The following SKAP1 variants were observed in gnomAD, a reference collection of about 807,000 sequenced individuals.
SKAP1 encodes src kinase associated phosphoprotein 1, also known as src kinase-associated phosphoprotein 1.
SKAP1 carries 44 observed loss-of-function variants against 58.5 expected under a neutral mutation model. That is an observed-to-expected ratio of 0.75 (90% CI 0.59 to 0.97). The LOEUF is 0.97. Among genes scored for constraint, SKAP1 ranks in the 50% least tolerant of loss-of-function variants. SKAP1 has a pLI of 0.00. For synonymous variants in SKAP1, 127 were observed against 149.7 expected (o/e 0.85, Z 1.11); for missense variants, 390 against 435.2 (o/e 0.90, Z 0.92).
intron 4 of SKAP1, among the ~76,000 whole-genome samples, chr17:48,291,421 C>A (rs1456233525): frequency 6.6e-6 from 1 of 152,174 alleles, no homozygotes; most frequent in African/African-American, 2.4e-5. Context: ...TATTCTCTTG[C>A]TGAGGACATT....
intron 1 of SKAP1, among the ~76,000 whole-genome samples, chr17:48,398,439 G>C (rs2067449790): frequency 6.6e-6 from 1 of 151,982 alleles, no homozygotes; most frequent in Non-Finnish European, 1.5e-5. Flanking sequence ...ATGGTGAGTT[G>C]TATAATTTTT....
chr17:48,286,974 T>A (rs1447575735), intron 4 of SKAP1, among the ~76,000 whole-genome samples: 3 of 152,118 alleles, frequency 2.0e-5, no homozygotes, highest in Non-Finnish European at 4.4e-5. Flanking sequence ...CGCACGCCTG[T>A]AATCCCAGCT....
chr17:48,439,582 T>C, the SKAP1 span, among the ~76,000 whole-genome samples: 2 of 152,262 alleles, frequency 1.3e-5, no homozygotes, highest in Non-Finnish European at 2.9e-5. Flanking sequence ...CTGGGACTCC[T>C]GATAAGTCAC....
chr17:48,394,959 T>A (rs2067396989), intron 2 of SKAP1, among the ~76,000 whole-genome samples: 1 of 152,186 alleles, frequency 6.6e-6, no homozygotes, highest in Non-Finnish European at 1.5e-5. Context: ...CTAAATAAAG[T>A]GTCATCTTTC....
chr17:48,373,785 C>T (rs1040597537), intron 2 of SKAP1, among the ~76,000 whole-genome samples: 6 of 152,144 alleles, frequency 3.9e-5, no homozygotes, highest in African/African-American at 9.7e-5. Context: ...AATGATATGA[C>T]CCACTGAATT....
intron 4 of SKAP1, among the ~76,000 whole-genome samples, chr17:48,316,659 G>C (rs1010244942): frequency 1.3e-5 from 2 of 152,110 alleles, no homozygotes; most frequent in African/African-American, 4.8e-5. Context: ...GTCTAAGGTC[G>C]TGCACATAGT....
At chr17:48,294,923 C>T (rs1327511767) in intron 4 of SKAP1, among the ~76,000 whole-genome samples, 2 of 152,158 alleles carry the variant, frequency 1.3e-5, no homozygotes, top group Admixed American at 6.6e-5. Context: ...TCATCTGACA[C>T]ATGGTAAGGG....
At chr17:48,281,506 A>AGGCAG (rs1169599947) in intron 4 of SKAP1, among the ~76,000 whole-genome samples, 45 of 152,274 alleles carry the variant, frequency 3.0e-4, no homozygotes, top group African/African-American at 1.1e-3. Flanking sequence ...TGGCAGGCAG[A>AGGCAG]GGCAGCGTGC....
chr17:48,404,938 A>G lies in SKAP1; in HGVS notation c.47-8153T>C, dbSNP rs531504095. ...AAAAGCAAGAATGGCAATAATTCAT[A>G]TCGAAATAGAATTAAAGAAACTATT... On this transcript the variant is annotated intron_variant, in intron 1 of 12. Coordinates refer to ENST00000336915, the MANE Select transcript of SKAP1 (RefSeq NM_003726.4). Among the ~76,000 whole-genome samples the G allele has an allele frequency of 4.7e-4, 72 of 152,286 alleles. No individual in the cohort carries two copies. The South Asian group carries it at 0.015, about 31-fold the overall frequency.
intron 4 of SKAP1, among the ~76,000 whole-genome samples, chr17:48,192,318 G>A (rs2064557881): frequency 6.6e-6 from 1 of 151,264 alleles, no homozygotes; most frequent in Admixed American, 6.6e-5. Context: ...TAAAGGTCTT[G>A]TTAAACTTAG....
the SKAP1 span, among the ~76,000 whole-genome samples, chr17:48,441,586 G>C: frequency 6.6e-6 from 1 of 152,194 alleles, no homozygotes. Flanking sequence ...AAATAGTTAC[G>C]TGACAGAACT....
chr17:48,417,607 T>C (rs1351343796), intron 1 of SKAP1, among the ~76,000 whole-genome samples: 1 of 151,998 alleles, frequency 6.6e-6, no homozygotes, highest in African/African-American at 2.4e-5. Flanking sequence ...TAGCTGGGCG[T>C]GGTGGCACAT....
chr17:48,212,177 C>T (rs2064880827), intron 4 of SKAP1, among the ~76,000 whole-genome samples: 1 of 151,872 alleles, frequency 6.6e-6, no homozygotes, highest in Admixed American at 6.6e-5. Flanking sequence ...GAGAAGACTG[C>T]TTAATTCCAG....
chr17:48,312,212 G>A (rs374671229), intron 4 of SKAP1, among the ~76,000 whole-genome samples: 87 of 152,178 alleles, frequency 5.7e-4, no homozygotes, highest in African/African-American at 1.9e-3. Flanking sequence ...TCCTTTTACC[G>A]GTTATGCTTC....
intron 4 of SKAP1, among the ~76,000 whole-genome samples, chr17:48,204,764 G>A (rs2064771957): frequency 6.6e-6 from 1 of 152,042 alleles, no homozygotes. Context: ...GACTTCTATG[G>A]GTCAAACTGT....
At chr17:48,316,596 A>G (rs1179795076) in intron 4 of SKAP1, among the ~76,000 whole-genome samples, 1 of 152,070 alleles carries the variant, frequency 6.6e-6, no homozygotes, top group East Asian at 1.9e-4. Context: ...GTAAAATATG[A>G]GCTCTATGTG....
chr17:48,342,015 T>C (rs1011100517), intron 4 of SKAP1, among the ~76,000 whole-genome samples: 3 of 152,202 alleles, frequency 2.0e-5, no homozygotes, highest in Non-Finnish European at 4.4e-5. Context: ...ATAATGTAGG[T>C]ATGCAGGGAT....
At chr17:48,358,245 C>A (rs775428133) in intron 3 of SKAP1, among the ~76,000 whole-genome samples, 2 of 152,134 alleles carry the variant, frequency 1.3e-5, no homozygotes, top group Non-Finnish European at 2.9e-5. Flanking sequence ...TGTGCTAAAA[C>A]CTTTTGGCAT....
chr17:48,291,132 A>G (rs1296450529), intron 4 of SKAP1, among the ~76,000 whole-genome samples: 2 of 152,198 alleles, frequency 1.3e-5, no homozygotes, highest in African/African-American at 4.8e-5. Context: ...AAAAACAAAA[A>G]CAAAAACAAA....
Sources: gnomAD v4.1 joint callset for allele counts (sites outside exome capture counted in the v4.1 genomes callset) on GRCh38, gnomAD v4.1.1 for gene constraint, MANE v1.5 for transcripts, NCBI Gene and HGNC (gene_info 2026-07-23, HGNC 2026-07-21) for gene names.